Variants in HCLS1 observed in about 807,000 individuals in gnomAD.
HCLS1 encodes hematopoietic lineage cell-specific protein.
HCLS1 carries 44 observed loss-of-function variants against 68.6 expected under a neutral mutation model. The ratio of observed to expected loss-of-function variants is 0.64; its 90% CI spans 0.50 to 0.82. HCLS1 has a LOEUF of 0.82. Ranked by LOEUF, HCLS1 falls within the 40% of genes least tolerant of loss-of-function variation. The probability of loss-of-function intolerance (pLI) is 0.00; values close to 1 mark genes in which losing one functional copy is unlikely to be tolerated. For missense variants in HCLS1, 602 were observed against 612.1 expected (o/e 0.98, Z 0.17); for synonymous variants, 217 against 225.8 (o/e 0.96, Z 0.35).
In HCLS1 at chr3:121,634,344, C is replaced by T. The variant is rs766658539; in HGVS notation, c.766G>A (p.Glu256Lys). 8 of 1,613,834 alleles carry T rather than the reference C, an allele frequency of 5.0e-6. No individual in the cohort carries two copies. Among genetic ancestry groups the T allele is most frequent in the African/African-American group, 4.0e-5 (3 of 74,828 alleles). Reference protein sequence around the residue: ...AEEKRKREEEEKAQQVARRQQ... With the variant: ...AEEKRKREEEKKAQQVARRQQ... The stretch of plus-strand genomic sequence containing the variant: ...CTCCTGGCCACCTGCTGTGCCTTCT[C>T]CTCTTCCTCTCGCTTCCTCTTCTCC... Residue 256 changes from glutamate (E) to lysine (K), a missense_variant, in exon 10 of 14, where the codon GAG (glutamate) becomes AAG (lysine). Glu to Lys is a moderately conservative substitution (Grantham distance 56, BLOSUM62 1). Coordinates refer to ENST00000314583, the MANE Select transcript of HCLS1 (RefSeq NM_005335.6).
intron 6 of HCLS1, among the ~76,000 whole-genome samples, chr3:121,637,871 G>T (rs1208678441): frequency 6.6e-6 from 1 of 151,902 alleles, no homozygotes; most frequent in Non-Finnish European, 1.5e-5. Flanking sequence ...GGGGGGTGGA[G>T]GTTGCAGTGA....
At chr3:121,635,254 T>G (rs982707835) in intron 9 of HCLS1, among the ~76,000 whole-genome samples, 1 of 147,940 alleles carries the variant, frequency 6.8e-6, no homozygotes. Context: ...TCTCTCTCTC[T>G]CTCTCTCTCT....
Position 121,647,455 on chromosome 3 carries a change from G to A in HCLS1, c.159-7C>T, listed in dbSNP as rs1325207656. On this transcript the variant is annotated splice_polypyrimidine_tract_variant and splice_region_variant and intron_variant, in intron 3 of 13. Transcript: ENST00000314583. ...GTTCCTCAGCTGGTGGATGCTGGAA[G>A]AAACCACATGACCAAGGCTCATCTA... 1.9e-6 allele frequency: 3 copies of A among 1,613,970 alleles called. No homozygotes were observed. Among genetic ancestry groups the A allele is most frequent in the Non-Finnish European group, 2.5e-6 (3 of 1,179,960 alleles).
At position 121,631,938 on chromosome 3, in the gene HCLS1, C is replaced by G. The variant is rs1355539392; in HGVS notation, c.1369G>C (p.Asp457His). ...LSFDPDDVIT[D>H]IEMVDEGWWR... ...CAGCCCTCGTCCACCATCTCAATGT[C>G]AGTGATTACGTCGTCCGGATCAAAG... Residue 457 changes from aspartate to histidine, a missense_variant, in exon 14 of 14, where the codon GAC (aspartate) becomes CAC (histidine). Physicochemically the swap from Asp to His is moderately conservative, Grantham distance 81 (BLOSUM62 -1). Coordinates refer to ENST00000314583, the MANE Select transcript of HCLS1 (RefSeq NM_005335.6). 6.2e-7 allele frequency: 1 copy of G among 1,614,216 alleles called. No homozygotes were observed. Among genetic ancestry groups the G allele is most frequent in the South Asian group, 1.1e-5 (1 of 91,076 alleles).
chr3:121,655,901 T>G (rs1449450132), intron 3 of HCLS1, among the ~76,000 whole-genome samples: 1 of 151,718 alleles, frequency 6.6e-6, no homozygotes, highest in Admixed American at 6.6e-5. Flanking sequence ...CTGGCTGGAG[T>G]GCAGTGGTGC....
intron 6 of HCLS1, among the ~76,000 whole-genome samples, chr3:121,640,569 T>A (rs1366413039): frequency 2.0e-5 from 3 of 151,502 alleles, no homozygotes; most frequent in Non-Finnish European, 4.4e-5. Flanking sequence ...GGAACCATAA[T>A]GAAACCATAA....
At position 121,632,510 on chromosome 3, in the gene HCLS1, C is replaced by A; in HGVS notation, c.1062G>T (p.Val354=). The A allele has an allele frequency of 6.2e-7, 1 of 1,611,646 alleles. No individual in the cohort carries two copies. The change falls in exon 12 of 14, where the codon GTG becomes GTT. Residue 354 remains valine, a synonymous_variant. Coordinates refer to ENST00000314583, the MANE Select transcript of HCLS1 (RefSeq NM_005335.6). ...LPPRTLEGLQ[V]EEEPVYEAEP... ...CTGCTTCGTACACTGGCTCTTCCTC[C>A]ACCTGGAGGCCTTCCAGAGTCCTAG...
chr3:121,632,246 C>T, intron 12 of HCLS1, 62 bp from the exon 13 acceptor site: 3 of 1,603,104 alleles, frequency 1.9e-6, no homozygotes, highest in Non-Finnish European at 2.6e-6. Context: ...AGAGAAAGAT[C>T]CTACTGGGGC....
chr3:121,660,748 T>C (rs1937972575), intron 1 of HCLS1, 72 bp downstream of exon 1: 1 of 152,398 alleles, frequency 6.6e-6, no homozygotes, highest in South Asian at 2.1e-4. Flanking sequence ...CACCAAGGAC[T>C]AAGAGCCAGG....
intron 2 of HCLS1, 119 bp downstream of exon 2, chr3:121,658,145 A>T (rs532760081): frequency 2.7e-6 from 2 of 741,782 alleles, no homozygotes; most frequent in South Asian, 1.6e-5. Context: ...TCCCAGTATG[A>T]GGGCTGTCTC....
chr3:121,637,011 G>A (rs1190265674), intron 7 of HCLS1, 135 bp downstream of exon 7: 3 of 661,360 alleles, frequency 4.5e-6, no homozygotes, highest in African/African-American at 1.8e-5. Context: ...CCCCACACAT[G>A]TGCTTACTGC....
At position 121,644,842 on chromosome 3, in the gene HCLS1, T is replaced by C; in HGVS notation, c.375A>G (p.Gly125=). Residue 125 remains glycine, a synonymous_variant, in exon 5 of 14, where the codon GGA becomes GGG. Transcript: ENST00000314583. The part of the protein sequence containing the change: ...DAAKGFGGKY[G]VERDRADKSA... ...CCTTGTCTGCCCTGTCCCTCTCAAC[T>C]CCGTACTTGCCCCCAAAGCCTTTGG... The C allele has an allele frequency of 6.2e-7, 1 of 1,613,874 alleles. No individual in the cohort carries two copies. Among genetic ancestry groups the C allele is most frequent in the Non-Finnish European group, 8.5e-7 (1 of 1,179,788 alleles).
At chr3:121,658,387 A>G in intron 1 of HCLS1, 40 bp from the exon 2 acceptor site, 8 of 1,442,552 alleles carry the variant, frequency 5.5e-6, no homozygotes, top group South Asian at 2.3e-5. Context: ...GGGACAAAAA[A>G]GGATCAAGAG....
intron 3 of HCLS1, among the ~76,000 whole-genome samples, chr3:121,650,364 C>A (rs1200606099): frequency 2.0e-5 from 3 of 148,478 alleles, no homozygotes; most frequent in Non-Finnish European, 4.5e-5. Flanking sequence ...ATAGTAAAAT[C>A]TTTTGTTTCT....
chr3:121,636,680 A>C lies in HCLS1; in HGVS notation c.566-191T>G, dbSNP rs543317082. ...GGAAAAAATCTGGGAGCGAATGGAG[A>C]AGACAAAGATGGAAGTAGGGAAACA... On this transcript the variant is annotated intron_variant, in intron 7 of 13. Coordinates refer to ENST00000314583, the MANE Select transcript of HCLS1 (RefSeq NM_005335.6). Among the ~76,000 whole-genome samples the C allele has an allele frequency of 5.3e-5, 8 of 152,300 alleles. No homozygotes were observed. In the South Asian group the frequency reaches 1.7e-3, roughly 32 times the overall value.
rs61749596 is a variant in HCLS1, at chr3:121,635,773, G to A, written c.653C>T (p.Pro218Leu). Residue 218 changes from proline (P) to leucine (L), a missense_variant, in exon 9 of 14, where the codon CCG (proline) becomes CTG (leucine). Coordinates refer to ENST00000314583, the MANE Select transcript of HCLS1 (RefSeq NM_005335.6). Reference protein sequence around the residue: ...SAVGFNEMEAPTTAYKKTTPI... With the variant: ...SAVGFNEMEALTTAYKKTTPI... ...CGTCGTCTTCTTATAAGCTGTGGTC[G>A]GGGCCTCCATTTCATTGAAGCCGAC... The A allele has an allele frequency of 5.7e-4, 924 of 1,614,000 alleles. 3 individuals are homozygous for A. Among genetic ancestry groups the A allele is most frequent in the African/African-American group, 2.6e-3 (198 of 75,016 alleles).
rs2049098367 is a variant in HCLS1, at chr3:121,631,672, G to C, written c.*174C>G. 1.6e-6 allele frequency: 1 copy of C among 631,726 alleles called. No individual in the cohort carries two copies. Among genetic ancestry groups the C allele is most frequent in the East Asian group, 2.8e-5 (1 of 36,000 alleles). The allele number at this position is 631,726 out of a possible 1,614,324, so 39.1% of individuals were successfully genotyped here. A position where few individuals can be genotyped will look rare whatever the true frequency, so the allele number is the denominator to read the frequency against. On this transcript the variant is annotated 3_prime_UTR_variant, in exon 14 of 14. Coordinates refer to ENST00000314583, the MANE Select transcript of HCLS1 (RefSeq NM_005335.6). ...ATCCAGGATAGAGAGGACTCTTGGGGAAGGGGACCTCCTTCCCCATGCTGT... is the reference window on the plus strand; with the variant it reads ...ATCCAGGATAGAGAGGACTCTTGGGCAAGGGGACCTCCTTCCCCATGCTGT...
chr3:121,632,057 A>G (rs1344143350), intron 13 of HCLS1, 44 bp downstream of exon 13: 2 of 1,613,460 alleles, frequency 1.2e-6, no homozygotes, highest in South Asian at 1.1e-5. Context: ...GTCTTATATC[A>G]GGGGCCTCCA....
At chr3:121,638,601 AC>A (rs1440341207) in intron 6 of HCLS1, among the ~76,000 whole-genome samples, 1 of 152,204 alleles carries the variant, frequency 6.6e-6, no homozygotes, top group Non-Finnish European at 1.5e-5. Context: ...CTCCAAGCCT[AC>A]ATCTGAGTGT....
Sources: allele counts gnomAD v4.1 joint callset (sites outside exome capture counted in the v4.1 genomes callset), GRCh38; gene constraint gnomAD v4.1.1; transcripts MANE v1.5; gene names NCBI Gene and HGNC (gene_info 2026-07-23, HGNC 2026-07-21).